Variants in AKNA observed in about 807,000 individuals in gnomAD.
AKNA encodes the protein microtubule organization protein AKNA.
Under a neutral mutation model 138.8 loss-of-function variants are expected in AKNA, and 67 were observed. The observed-to-expected ratio is 0.48, with a 90% confidence interval of 0.40 to 0.59. AKNA has a LOEUF of 0.59. Among genes scored for constraint, AKNA ranks in the 20% least tolerant of loss-of-function variants. The pLI is 0.00. For synonymous variants in AKNA, 737 were observed against 754.4 expected (o/e 0.98, Z 0.38); for missense variants, 1,813 against 1,880.4 (o/e 0.96, Z 0.66).
At chr9:114,356,314 A>T (rs896207106) in intron 13 of AKNA, among the ~76,000 whole-genome samples, 178 bp from the exon 14 acceptor site, 7 of 152,260 alleles carry the variant, frequency 4.6e-5, no homozygotes, top group South Asian at 2.1e-4. Flanking sequence ...TTCTTTGTAA[A>T]CTGTTCACTG....
chr9:114,393,195 G>C (rs1401809785), intron 1 of AKNA, among the ~76,000 whole-genome samples: 1 of 150,768 alleles, frequency 6.6e-6, no homozygotes, highest in Non-Finnish European at 1.5e-5. Flanking sequence ...CAAGCTGTTT[G>C]AATCTGGACA....
At chr9:114,376,426 G>A (rs1334182921) in intron 3 of AKNA, 40 bp downstream of exon 3, 1 of 1,604,816 alleles carries the variant, frequency 6.2e-7, no homozygotes. Context: ...AAGCCAACAG[G>A]GGCCTTGGTG....
Position 114,377,200 on chromosome 9 carries a change from T to A in AKNA, c.607A>T (p.Ser203Cys). Residue 203 changes from serine to cysteine, a missense_variant, in exon 3 of 22, where the codon AGT becomes TGT. Physicochemically the swap from Ser to Cys is moderately radical, Grantham distance 112. Transcript: ENST00000374088. The part of the protein sequence containing the change: ...VELSPARSWS[S>C]GTVSLDHPSD... ...GGGTGGTCGAGGCTCACTGTCCCAC[T>A]GCTCCAGGACCTTGCCGGGCTGAGT... 1.9e-6 allele frequency: 3 copies of A among 1,614,212 alleles called. No individual in the cohort carries two copies. The highest frequency in any genetic ancestry group is 2.5e-6 in the Non-Finnish European group (3 of 1,180,026).
upstream of AKNA, among the ~76,000 whole-genome samples, chr9:114,397,860 C>A (rs189865978): frequency 4.9e-4 from 74 of 152,302 alleles, 1 homozygote; most frequent in Middle Eastern, 3.4e-3. Flanking sequence ...CCTTCCCCCC[C>A]GCGACAAAAA....
chr9:114,366,026 C>A (rs1374279523), intron 6 of AKNA, among the ~76,000 whole-genome samples: 1 of 152,206 alleles, frequency 6.6e-6, no homozygotes, highest in Non-Finnish European at 1.5e-5. Flanking sequence ...AGCCTGTAAT[C>A]CCAGCACTTT....
Position 114,361,753 on chromosome 9 carries a change from G to A in AKNA, c.2075C>T (p.Ala692Val), listed in dbSNP as rs1456902169. 20 of 1,613,602 alleles carry A rather than the reference G, an allele frequency of 1.2e-5. No homozygotes were observed. Among genetic ancestry groups the A allele is most frequent in the Non-Finnish European group, 1.5e-5 (18 of 1,180,032 alleles). Reference sequence around the variant, plus strand: ...TGGCATGGGGGCTTGTCCAGAAGGAGCAGGCAGGTGCGTTGGCTGATGGAG... The same window carrying A: ...TGGCATGGGGGCTTGTCCAGAAGGAACAGGCAGGTGCGTTGGCTGATGGAG... Reference protein sequence around the residue: ...PCLHQPTHLPAPSGQAPMPAI... With the variant: ...PCLHQPTHLPVPSGQAPMPAI... The change falls in exon 9 of 22, where the codon GCT becomes GTT. Residue 692 changes from alanine to valine, a missense_variant. Ala to Val is a moderately conservative substitution (Grantham distance 64, BLOSUM62 0). Transcript: ENST00000374088.
Position 114,359,373 on chromosome 9 carries a change from A to T in AKNA, c.2492+221T>A, listed in dbSNP as rs953400704. ...CATGAGCCACTGTGCCCAGCTGAGAATAATGTTCTTTAATACTGCATGTGT... is the reference window on the plus strand; with the variant it reads ...CATGAGCCACTGTGCCCAGCTGAGATTAATGTTCTTTAATACTGCATGTGT... On this transcript the variant is annotated intron_variant, in intron 11 of 21. Transcript: ENST00000374088. 1.6e-5 allele frequency: 15 copies of T among 914,490 alleles called. No homozygotes were observed. The African/African-American group carries it at 2.1e-4, about 13-fold the overall frequency. 56.6% of individuals were successfully genotyped at this position (914,490 alleles called of 1,614,324 possible).
At chr9:114,392,196 C>T (rs1834373941), upstream of AKNA, among the ~76,000 whole-genome samples, 1 of 151,886 alleles carries the variant, frequency 6.6e-6, no homozygotes, top group Non-Finnish European at 1.5e-5. Context: ...ATGATGAAGC[C>T]TGGCTAGGGA....
chr9:114,367,396 T>G, intron 6 of AKNA, 147 bp downstream of exon 6: 28 of 927,610 alleles, frequency 3.0e-5, no homozygotes, highest in Non-Finnish European at 4.3e-5. Context: ...GAGGGGCTCA[T>G]GTTTTGGGGA....
At chr9:114,379,711 T>C (rs1833500702) in intron 2 of AKNA, among the ~76,000 whole-genome samples, 1 of 152,222 alleles carries the variant, frequency 6.6e-6, no homozygotes, top group South Asian at 2.1e-4. Context: ...TCTCATTTTA[T>C]AGATGGAAAA....
chr9:114,366,225 A>C (rs1832344397), intron 6 of AKNA, among the ~76,000 whole-genome samples: 1 of 151,296 alleles, frequency 6.6e-6, no homozygotes, highest in African/African-American at 2.4e-5. Flanking sequence ...GGTTGCAGTG[A>C]GCCAAGACTG....
At chr9:114,395,434 G>A (rs1288263453), upstream of AKNA, among the ~76,000 whole-genome samples, 1 of 151,950 alleles carries the variant, frequency 6.6e-6, no homozygotes, top group Non-Finnish European at 1.5e-5. Flanking sequence ...CCTGCTTAAC[G>A]ACCATCCGTG....
At chr9:114,366,394 C>A (rs185894620) in intron 6 of AKNA, among the ~76,000 whole-genome samples, 1 of 152,054 alleles carries the variant, frequency 6.6e-6, no homozygotes, top group East Asian at 1.9e-4. Context: ...ACAAATATTG[C>A]GTGAATCTAT....
At position 114,345,865 on chromosome 9, in the gene AKNA, G is replaced by A. The variant is rs1830644682; in HGVS notation, c.3659C>T (p.Thr1220Ile). ...PDRVTFRGQYTGHEYHVLSPK... is the reference protein window; with the variant it reads ...PDRVTFRGQYIGHEYHVLSPK... Reference sequence around the variant, plus strand: ...CCCGGCCCTCCCTCCTGACCTACCTGTGTATTGGCCCCGGAAGGTGACCCT... The same window carrying A: ...CCCGGCCCTCCCTCCTGACCTACCTATGTATTGGCCCCGGAAGGTGACCCT... Residue 1220 changes from threonine (T) to isoleucine (I), a missense_variant and splice_region_variant, in exon 18 of 22, where the codon ACA becomes ATA. Thr to Ile is a moderately conservative substitution (Grantham distance 89). Coordinates refer to ENST00000374088, the MANE Select transcript of AKNA (RefSeq NM_001317950.2). 19 of 1,614,050 alleles carry A rather than the reference G, an allele frequency of 1.2e-5. No individual in the cohort carries two copies. Among genetic ancestry groups the A allele is most frequent in the Non-Finnish European group, 1.6e-5 (19 of 1,179,964 alleles).
chr9:114,397,555 T>C (rs1229723231), upstream of AKNA, among the ~76,000 whole-genome samples: 2 of 152,160 alleles, frequency 1.3e-5, no homozygotes, highest in Non-Finnish European at 2.9e-5. Flanking sequence ...TAAACATAGG[T>C]AATGATGGAC....
intron 1 of AKNA, chr9:114,383,151 C>T: frequency 2.2e-6 from 1 of 455,984 alleles, no homozygotes; most frequent in Non-Finnish European, 4.4e-6. Context: ...TTTAAAAGTT[C>T]CCCTTGGGCT....
Position 114,336,880 on chromosome 9 carries a change from AC to A in AKNA, c.*173del. On this transcript the variant is annotated 3_prime_UTR_variant, in exon 22 of 22. Transcript: ENST00000374088. The stretch of plus-strand genomic sequence containing the variant: ...CACTTCTCTTGGTGACCGAGCTGAC[AC>A]CCCCTCCACTTGGAAAGCACAGGGA... The A allele has an allele frequency of 1.3e-6, 1 of 752,686 alleles. No individual in the cohort carries two copies. The highest frequency in any genetic ancestry group is 1.9e-6 in the Non-Finnish European group (1 of 532,846). The allele number at this position is 752,686 out of a possible 1,614,324, so 46.6% of individuals were successfully genotyped here.
intron 4 of AKNA, among the ~76,000 whole-genome samples, chr9:114,371,324 G>A (rs1466489828): frequency 6.6e-6 from 1 of 152,248 alleles, no homozygotes. Flanking sequence ...CTTGTTGAAT[G>A]ATCTTGGTCA....
Position 114,362,416 on chromosome 9 carries a change from CA to C in AKNA, c.1905del (p.Phe635LeufsTer21). The C allele has an allele frequency of 2.5e-6, 4 of 1,611,414 alleles. No homozygotes were observed. Among genetic ancestry groups the C allele is most frequent in the Non-Finnish European group, 3.4e-6 (4 of 1,178,804 alleles). On this transcript the variant is annotated frameshift_variant, in exon 8 of 22. Transcript: ENST00000374088. LOFTEE classifies it high-confidence loss of function. The part of the protein sequence containing the change: ...LAGSKGTPGR[F>X]DPRRELEAEI... ...CACCCCAGCAGGTACCTGCGAGGAT[CA>C]AATCTTCCAGGCGTCCCCTTGGAGC...
Sources: allele counts gnomAD v4.1 joint callset (sites outside exome capture counted in the v4.1 genomes callset), GRCh38; gene constraint gnomAD v4.1.1; transcripts MANE v1.5; gene names NCBI Gene and HGNC (gene_info 2026-07-23, HGNC 2026-07-21).